COL19A1: variants seen among roughly 807,000 people sequenced by gnomAD.
COL19A1 encodes the protein collagen alpha-1(XIX) chain.
A neutral mutation model predicts 190.2 loss-of-function variants in COL19A1; 159 were observed. The ratio of observed to expected loss-of-function variants is 0.84; its 90% CI spans 0.73 to 0.95. The LOEUF is 0.95. COL19A1 is among the 40% of genes least tolerant of loss of function. COL19A1 has a pLI of 0.00. For synonymous variants in COL19A1, 509 were observed against 458.9 expected (o/e 1.11, Z -1.39); for missense variants, 1,418 against 1,431.9 (o/e 0.99, Z 0.16).
At chr6:69,987,536 T>G (rs1776378306) in intron 11 of COL19A1, among the ~76,000 whole-genome samples, 1 of 152,208 alleles carries the variant, frequency 6.6e-6, no homozygotes, top group Non-Finnish European at 1.5e-5. Context: ...ATTGCTTGGT[T>G]TCACAAACAA....
chr6:70,202,244 C>G (rs547638088), intron 49 of COL19A1, among the ~76,000 whole-genome samples: 74 of 142,590 alleles, frequency 5.2e-4, no homozygotes, highest in African/African-American at 1.8e-3. Flanking sequence ...CTAGATGAGA[C>G]ATTTTGTTTT....
At chr6:69,977,890 A>G (rs983875141) in intron 11 of COL19A1, among the ~76,000 whole-genome samples, 4 of 152,202 alleles carry the variant, frequency 2.6e-5, no homozygotes, top group Admixed American at 2.6e-4. Context: ...ATCATCAAGA[A>G]TAAGTGGTAA....
At chr6:70,061,725 G>A (rs966310952) in intron 14 of COL19A1, among the ~76,000 whole-genome samples, 12 of 152,002 alleles carry the variant, frequency 7.9e-5, no homozygotes, top group African/African-American at 2.7e-4. Context: ...TGAGCTGTCA[G>A]CATTTGGATG....
chr6:70,199,510 C>T, intron 48 of COL19A1, 98 bp from the exon 49 acceptor site: 2 of 993,452 alleles, frequency 2.0e-6, no homozygotes, highest in South Asian at 3.4e-5. Context: ...AAATTAAAAA[C>T]TAAATCTTTT....
chr6:70,144,194 ACT>A lies in COL19A1; in HGVS notation c.1627-13_1627-12del, dbSNP rs756678613. The A allele has an allele frequency of 4.4e-6, 7 of 1,608,830 alleles. No homozygotes were observed. In the African/African-American group the frequency reaches 8.0e-5, roughly 18 times the overall value. ...ATGTTCTCATTACTCTTTCCTATTAACTCTGAGTTTTCTAGGGATTGCCAGGA... is the reference window on the plus strand; with the variant it reads ...ATGTTCTCATTACTCTTTCCTATTAACTGAGTTTTCTAGGGATTGCCAGGA... On this transcript the variant is annotated splice_polypyrimidine_tract_variant and intron_variant, in intron 23 of 50. Coordinates refer to ENST00000620364, the MANE Select transcript of COL19A1 (RefSeq NM_001858.6).
At chr6:70,100,328 A>G (rs554021183) in intron 15 of COL19A1, among the ~76,000 whole-genome samples, 1 of 152,166 alleles carries the variant, frequency 6.6e-6, no homozygotes. Flanking sequence ...ATTTACTAAA[A>G]GACCAAATAT....
At chr6:69,936,191 A>G (rs1229065142) in intron 7 of COL19A1, among the ~76,000 whole-genome samples, 1 of 152,130 alleles carries the variant, frequency 6.6e-6, no homozygotes, top group Non-Finnish European at 1.5e-5. Context: ...TTTGTCCAGC[A>G]TGCTCTGAAC....
chr6:70,056,156 A>G (rs1780494092), intron 14 of COL19A1, among the ~76,000 whole-genome samples: 3 of 152,084 alleles, frequency 2.0e-5, no homozygotes, highest in Admixed American at 2.0e-4. Context: ...ATGTGAACAT[A>G]CCTTTATACA....
intron 4 of COL19A1, among the ~76,000 whole-genome samples, chr6:69,906,885 G>A (rs572352461): frequency 6.6e-6 from 1 of 152,174 alleles, no homozygotes; most frequent in African/African-American, 2.4e-5. Context: ...TAGCAAGTAG[G>A]AAACCCAAAC....
At chr6:70,107,361 A>G (rs1331410396) in intron 16 of COL19A1, among the ~76,000 whole-genome samples, 1 of 152,180 alleles carries the variant, frequency 6.6e-6, no homozygotes, top group African/African-American at 2.4e-5. Context: ...TCTCCTCACT[A>G]GCTTGTCCTG....
chr6:70,000,843 C>A (rs1206443495), intron 11 of COL19A1, among the ~76,000 whole-genome samples: 1 of 152,128 alleles, frequency 6.6e-6, no homozygotes, highest in East Asian at 1.9e-4. Flanking sequence ...ATGATAGTTT[C>A]TCTGGCTGTG....
intron 1 of COL19A1, among the ~76,000 whole-genome samples, chr6:69,869,787 G>C (rs75221174): frequency 0.058 from 8,867 of 152,224 alleles, 851 homozygotes; most frequent in African/African-American, 0.2. Context: ...CAGACAAGTT[G>C]ATGAGAATGG....
At chr6:69,905,377 G>A (rs967204505) in intron 4 of COL19A1, among the ~76,000 whole-genome samples, 1 of 152,156 alleles carries the variant, frequency 6.6e-6, no homozygotes, top group Non-Finnish European at 1.5e-5. Flanking sequence ...TTCATCCGGT[G>A]GCTCCCACAC....
At chr6:69,899,883 A>G (rs1327378979) in intron 3 of COL19A1, among the ~76,000 whole-genome samples, 6 of 152,190 alleles carry the variant, frequency 3.9e-5, no homozygotes, top group African/African-American at 1.4e-4. Flanking sequence ...TTTAAACTGA[A>G]TGGCTGTACT....
At chr6:70,201,971 A>C (rs1767581575) in intron 49 of COL19A1, among the ~76,000 whole-genome samples, 1 of 152,248 alleles carries the variant, frequency 6.6e-6, no homozygotes, top group Non-Finnish European at 1.5e-5. Flanking sequence ...TTATACATGT[A>C]ACTTATAAGC....
rs1765528330 is a variant in COL19A1 at position 70,172,012 on chromosome 6, G to A, written c.2617G>A (p.Val873Ile). ...GCCAGGATTAGAAGGATTTCCAGGT[G>A]TAAAGGTAAGCACAGAAGTTAGAAA... is the stretch of plus-strand genomic sequence containing the variant. ...GLPGLEGFPG[V>I]KGDRGPAGPP... Residue 873 changes from valine (V) to isoleucine (I), a missense_variant, in exon 41 of 51, where the codon GTA becomes ATA. Transcript: ENST00000620364. The A allele has an allele frequency of 1.2e-6, 2 of 1,611,030 alleles. No individual in the cohort carries two copies. Among genetic ancestry groups the A allele is most frequent in the African/African-American group, 2.7e-5 (2 of 74,856 alleles).
At chr6:69,870,091 C>T (rs538960814) in intron 1 of COL19A1, among the ~76,000 whole-genome samples, 1 of 152,272 alleles carries the variant, frequency 6.6e-6, no homozygotes, top group South Asian at 2.1e-4. Flanking sequence ...TTATGCCCAT[C>T]ATTCTACAGA....
At chr6:69,967,315 T>A (rs1046400889) in intron 11 of COL19A1, among the ~76,000 whole-genome samples, 1 of 152,190 alleles carries the variant, frequency 6.6e-6, no homozygotes, top group African/African-American at 2.4e-5. Flanking sequence ...TTCTGGTCTC[T>A]TGAGGGCCTC....
chr6:70,129,576 C>T lies in COL19A1; in HGVS notation c.1342-606C>T, dbSNP rs114102805. ...ATTAGAAGTGGTGACTGAAGCCTGG[C>T]GCAGTCGCTCATGCCTGCAATCCCA... On this transcript the variant is annotated intron_variant, in intron 17 of 50. Coordinates refer to ENST00000620364, the MANE Select transcript of COL19A1 (RefSeq NM_001858.6). Among the ~76,000 whole-genome samples the T allele has an allele frequency of 4.5e-3, 685 of 152,298 alleles. 4 individuals are homozygous for T. Among genetic ancestry groups the T allele is most frequent in the African/African-American group, 0.015 (637 of 41,556 alleles).
Sources: gnomAD v4.1 joint callset for allele counts (sites outside exome capture counted in the v4.1 genomes callset) on GRCh38, gnomAD v4.1.1 for gene constraint, MANE v1.5 for transcripts, NCBI Gene and HGNC (gene_info 2026-07-23, HGNC 2026-07-21) for gene names.